GPAT3: variants seen among roughly 807,000 people sequenced by gnomAD.
The protein encoded by GPAT3 is glycerol-3-phosphate acyltransferase 3, also known as 1-AGP acyltransferase 9.
Under a neutral mutation model 58.8 loss-of-function variants are expected in GPAT3, and 53 were observed. That is an observed-to-expected ratio of 0.90 (90% CI 0.72 to 1.13). GPAT3 has a LOEUF of 1.13. Ranked by LOEUF, GPAT3 falls within the 50% of genes most tolerant of loss-of-function variation. GPAT3 has a pLI of 0.00. For missense variants in GPAT3, 511 were observed against 527.6 expected (o/e 0.97, Z 0.31); for synonymous variants, 197 against 187.4 (o/e 1.05, Z -0.42).
intron 2 of GPAT3, among the ~76,000 whole-genome samples, chr4:83,564,952 A>T (rs990896551): frequency 1.2e-4 from 18 of 150,906 alleles, no homozygotes; most frequent in Non-Finnish European, 2.5e-4. Flanking sequence ...TTTATTTTTT[A>T]TGTTAAAATC....
intron 6 of GPAT3, among the ~76,000 whole-genome samples, chr4:83,592,085 C>T (rs976064061): frequency 6.6e-6 from 1 of 152,150 alleles, no homozygotes; most frequent in Admixed American, 6.5e-5. Flanking sequence ...AAAACTGTTG[C>T]AAACCATAAC....
At chr4:83,583,716 A>G (rs901654864) in intron 3 of GPAT3, among the ~76,000 whole-genome samples, 4 of 142,986 alleles carry the variant, frequency 2.8e-5, no homozygotes, top group Admixed American at 7.1e-5. Flanking sequence ...GGCCGGGCAT[A>G]GTGACTCTTG....
chr4:83,581,358 G>T (rs1365536338), intron 2 of GPAT3, among the ~76,000 whole-genome samples: 1 of 152,002 alleles, frequency 6.6e-6, no homozygotes, highest in African/African-American at 2.4e-5. Flanking sequence ...AGATCATGAG[G>T]TAGAGGCCAT....
intron 6 of GPAT3, among the ~76,000 whole-genome samples, chr4:83,594,062 A>G (rs111530462): frequency 6.6e-6 from 1 of 152,112 alleles, no homozygotes; most frequent in African/African-American, 2.4e-5. Flanking sequence ...ACATGTATGC[A>G]TATTATTTCC....
At chr4:83,540,155 T>TA (rs58697347) in intron 1 of GPAT3, among the ~76,000 whole-genome samples, 959 of 94,184 alleles carry the variant, frequency 0.01, 9 homozygotes, top group African/African-American at 0.025. Flanking sequence ...AGACTCCATC[T>TA]AAAAAAAAAA....
chr4:83,575,042 A>G (rs2110091805), intron 2 of GPAT3, among the ~76,000 whole-genome samples: 1 of 151,816 alleles, frequency 6.6e-6, no homozygotes, highest in Admixed American at 6.6e-5. Flanking sequence ...TCGCCAGTCT[A>G]ATTTTTTGTA....
At chr4:83,594,760 A>C in intron 6 of GPAT3, 85 bp from the exon 7 acceptor site, 1 of 1,064,422 alleles carries the variant, frequency 9.4e-7, no homozygotes, top group Non-Finnish European at 1.4e-6. Context: ...TTTTGAGTGG[A>C]GAATAGAAAT....
intron 11 of GPAT3, among the ~76,000 whole-genome samples, chr4:83,600,718 C>G (rs1344108963): frequency 6.6e-6 from 1 of 152,014 alleles, no homozygotes; most frequent in Non-Finnish European, 1.5e-5. Flanking sequence ...GTTGGCCAGG[C>G]TGCCCTCCAA....
At chr4:83,583,997 CA>C (rs1726269831) in intron 3 of GPAT3, among the ~76,000 whole-genome samples, 2 of 151,992 alleles carry the variant, frequency 1.3e-5, no homozygotes, top group South Asian at 2.1e-4. Flanking sequence ...ACAACAACAA[CA>C]AAAACACATG....
rs778000097 is a variant in GPAT3 at position 83,579,081 on chromosome 4, C to CCCTTCCTTCCTTCCTT, written c.209-2448_209-2433dup. Among the ~76,000 whole-genome samples, 67 of 19,654 alleles carry CCCTTCCTTCCTTCCTT rather than the reference C, an allele frequency of 3.4e-3. 1 individual carries two copies. The highest frequency in any genetic ancestry group is 0.012 in the South Asian group (4 of 336). The allele number at this position is 19,654 out of a possible 152,430, so 12.9% of individuals were successfully genotyped here. On this transcript the variant is annotated intron_variant, in intron 2 of 11. Transcript: ENST00000264409. ...TTCTTTCTTTCTTTCTTTCTTTCTTCCCTTCCTTCCTTCCTTCCTTCCTTC... is the reference window on the plus strand; with the variant it reads ...TTCTTTCTTTCTTTCTTTCTTTCTTCCCTTCCTTCCTTCCTTCCTTCCTTCCTTCCTTCCTTCCTTC...
chr4:83,566,218 T>C (rs1439809091), intron 2 of GPAT3, among the ~76,000 whole-genome samples: 1 of 152,118 alleles, frequency 6.6e-6, no homozygotes, highest in Admixed American at 6.5e-5. Context: ...TTTTGTATTT[T>C]TGTAGAGACG....
intron 3 of GPAT3, among the ~76,000 whole-genome samples, chr4:83,582,962 T>C (rs912927355): frequency 4.6e-5 from 7 of 152,124 alleles, no homozygotes; most frequent in Non-Finnish European, 7.4e-5. Flanking sequence ...AGACTATCCA[T>C]TGGCATGCAG....
intron 2 of GPAT3, among the ~76,000 whole-genome samples, chr4:83,575,356 C>G (rs896265805): frequency 6.6e-6 from 1 of 152,148 alleles, no homozygotes; most frequent in African/African-American, 2.4e-5. Context: ...CAACATATCT[C>G]AGGAGAAAGT....
rs568199439 is a variant in GPAT3 at position 83,605,263 on chromosome 4, T to G, written c.*496T>G. ...ATTGTATTTAGGAAAAGGGACAACT[T>G]TGTGGCCACCTGCTCTGAAAGTCAA... On this transcript the variant is annotated 3_prime_UTR_variant, in exon 12 of 12. Transcript: ENST00000264409. 6.6e-6 allele frequency: 1 copy of G among 152,476 alleles called. No individual in the cohort carries two copies. The highest frequency in any genetic ancestry group is 1.9e-4 in the East Asian group (1 of 5,188). The allele number at this position is 152,476 out of a possible 1,614,324, so 9.4% of individuals were successfully genotyped here.
At chr4:83,546,940 G>C (rs1370999551) in intron 2 of GPAT3, among the ~76,000 whole-genome samples, 2 of 152,092 alleles carry the variant, frequency 1.3e-5, no homozygotes, top group African/African-American at 4.8e-5. Context: ...AGGGGTGTGT[G>C]CCCTGTTGAT....
intron 2 of GPAT3, among the ~76,000 whole-genome samples, chr4:83,549,025 G>A (rs2110074372): frequency 6.6e-6 from 1 of 152,008 alleles, no homozygotes; most frequent in African/African-American, 2.4e-5. Context: ...CAGAAAATAT[G>A]GGATCATATT....
rs1726546344 is a variant in GPAT3, at chr4:83,590,235, C to A, written c.681C>A (p.Ala227=). The change falls in exon 6 of 12, where the codon GCC becomes GCA. Residue 227 remains alanine (A), a synonymous_variant. Coordinates refer to ENST00000264409, the MANE Select transcript of GPAT3 (RefSeq NM_032717.5). ...CCCAGAAGGGAGGCATTTGTGTTGC[C>A]AACCATACTTCCCCCATTGATGTTT... The part of the protein sequence containing the change: ...YRPQKGGICV[A]NHTSPIDVLI... The A allele has an allele frequency of 1.2e-6, 2 of 1,613,766 alleles. No individual in the cohort carries two copies. Among genetic ancestry groups the A allele is most frequent in the Non-Finnish European group, 1.7e-6 (2 of 1,179,888 alleles).
At position 83,583,189 on chromosome 4, in the gene GPAT3, G is replaced by A. The variant is rs181664275; in HGVS notation, c.479+1357G>A. Among the ~76,000 whole-genome samples, 142 of 152,178 alleles carry A rather than the reference G, an allele frequency of 9.3e-4. 2 individuals carry two copies. The highest frequency in any genetic ancestry group is 3.3e-3 in the African/African-American group (138 of 41,506). ...AGCACACCTAGTCTCAGCTACTCGG[G>A]AGGCTGAGACAGGAGAATCGCTTGA... is the stretch of plus-strand genomic sequence containing the variant. On this transcript the variant is annotated intron_variant, in intron 3 of 11. Coordinates refer to ENST00000264409, the MANE Select transcript of GPAT3 (RefSeq NM_032717.5).
intron 2 of GPAT3, among the ~76,000 whole-genome samples, chr4:83,557,527 A>T (rs72654967): frequency 0.12 from 17,570 of 151,976 alleles, 1,203 homozygotes; most frequent in East Asian, 0.31. Context: ...TTAAAAAAAA[A>T]TTGCAAAAAA....
Sources: gnomAD v4.1 joint callset for allele counts (sites outside exome capture counted in the v4.1 genomes callset) on GRCh38, gnomAD v4.1.1 for gene constraint, MANE v1.5 for transcripts, NCBI Gene and HGNC (gene_info 2026-07-23, HGNC 2026-07-21) for gene names.